The following LRRC4C variants were observed in gnomAD, a reference collection of about 807,000 sequenced individuals.
LRRC4C encodes the protein leucine-rich repeat-containing protein 4C.
In LRRC4C, 5 loss-of-function variants were observed where a neutral mutation model predicts 33.6. The observed-to-expected ratio is 0.15, with a 90% CI of 0.08 to 0.31. The LOEUF is 0.31. Among genes scored for constraint, LRRC4C ranks in the 10% least tolerant of loss-of-function variants. LRRC4C has a pLI of 1.00. For missense variants in LRRC4C, 560 were observed against 796.7 expected (o/e 0.70, Z 3.58); for synonymous variants, 329 against 302.0 (o/e 1.09, Z -0.93).
At chr11:40,310,616 G>A (rs1945257392) in intron 4 of LRRC4C, among the ~76,000 whole-genome samples, 1 of 152,140 alleles carries the variant, frequency 6.6e-6, no homozygotes. Context: ...TAATGAGCAT[G>A]TACTATGTGG....
intron 2 of LRRC4C, among the ~76,000 whole-genome samples, chr11:40,903,457 T>G (rs529169205): frequency 2.0e-4 from 31 of 152,332 alleles, no homozygotes; most frequent in African/African-American, 7.5e-4. Flanking sequence ...CTTTTGATTT[T>G]CAAGTCTTGT....
chr11:40,328,819 A>ACTCCATTTAGT (rs1315193398), intron 3 of LRRC4C, among the ~76,000 whole-genome samples: 1 of 152,252 alleles, frequency 6.6e-6, no homozygotes, highest in Non-Finnish European at 1.5e-5. Context: ...GTGCTCAGAG[A>ACTCCATTTAGT]CTAGTGGTTT....
intron 2 of LRRC4C, among the ~76,000 whole-genome samples, chr11:40,678,073 T>C (rs1944494584): frequency 1.3e-5 from 2 of 151,974 alleles, no homozygotes; most frequent in South Asian, 4.1e-4. Context: ...CAAACCACTA[T>C]CTTGGGGGTA....
rs1438000049 is a variant in LRRC4C at position 41,188,427 on chromosome 11, C to T, written c.-495-254704G>A. ...AAGGAAGACTGAATAGTGAGGTAGC[C>T]AGAATGGAGCCTTCGGAGTTAGACT... On this transcript the variant is annotated intron_variant, in intron 1 of 6. Transcript: ENST00000528697. 6.6e-5 allele frequency among the ~76,000 whole-genome samples: 10 copies of T among 151,970 alleles called. No homozygotes were observed. The South Asian group carries it at 1.9e-3, about 28-fold the overall frequency.
chr11:40,754,721 C>T (rs142491450), intron 2 of LRRC4C, among the ~76,000 whole-genome samples: 305 of 151,934 alleles, frequency 2.0e-3, no homozygotes, highest in Non-Finnish European at 3.6e-3. Context: ...TTTTTAATTT[C>T]CTCTTGTTTT....
chr11:40,234,284 G>A (rs1396636713), intron 5 of LRRC4C, among the ~76,000 whole-genome samples: 1 of 152,124 alleles, frequency 6.6e-6, no homozygotes, highest in Non-Finnish European at 1.5e-5. Context: ...AGTCTTGTAA[G>A]GTACGTATTA....
At chr11:40,306,829 C>A (rs1479626207) in intron 4 of LRRC4C, among the ~76,000 whole-genome samples, 2 of 152,138 alleles carry the variant, frequency 1.3e-5, no homozygotes, top group Non-Finnish European at 2.9e-5. Context: ...GCTTGTACTG[C>A]CATTCACTAT....
chr11:40,418,661 G>A (rs1207123657), intron 3 of LRRC4C, among the ~76,000 whole-genome samples: 2 of 152,122 alleles, frequency 1.3e-5, no homozygotes, highest in African/African-American at 4.8e-5. Context: ...GCATGCACAC[G>A]TATGTTCACT....
At chr11:41,452,308 T>C (rs1956052391) in intron 1 of LRRC4C, among the ~76,000 whole-genome samples, 1 of 152,178 alleles carries the variant, frequency 6.6e-6, no homozygotes, top group African/African-American at 2.4e-5. Context: ...CTCTCATCTT[T>C]AAGTAACTTA....
chr11:40,262,581 C>G (rs965708147), intron 4 of LRRC4C, among the ~76,000 whole-genome samples: 1 of 152,116 alleles, frequency 6.6e-6, no homozygotes, highest in Non-Finnish European at 1.5e-5. Context: ...TGGAACCAAC[C>G]AAAATGCCCA....
intron 3 of LRRC4C, among the ~76,000 whole-genome samples, chr11:40,581,308 A>G (rs1591170650): frequency 6.6e-6 from 1 of 152,172 alleles, no homozygotes; most frequent in Non-Finnish European, 1.5e-5. Flanking sequence ...TGATTAAAAC[A>G]CCTTTAGGGC....
intron 2 of LRRC4C, among the ~76,000 whole-genome samples, chr11:40,929,659 G>A (rs545211163): frequency 1.4e-3 from 211 of 151,966 alleles, no homozygotes; most frequent in African/African-American, 4.9e-3. Flanking sequence ...CTGTCGCCCA[G>A]GCTGGAGTGC....
chr11:40,152,589 G>A (rs980514788), intron 5 of LRRC4C, among the ~76,000 whole-genome samples: 12 of 152,110 alleles, frequency 7.9e-5, no homozygotes, highest in African/African-American at 2.7e-4. Flanking sequence ...AACAGACTCC[G>A]GGCTGTTGTG....
intron 1 of LRRC4C, among the ~76,000 whole-genome samples, chr11:40,947,463 CT>C (rs1555013021): frequency 6.6e-6 from 1 of 152,166 alleles, no homozygotes; most frequent in African/African-American, 2.4e-5. Context: ...TGAGGCAAGT[CT>C]TTTTTGTATA....
In LRRC4C at chr11:40,261,122, C is replaced by T. The variant is rs181379733; in HGVS notation, c.-175-19524G>A. 7.9e-4 allele frequency among the ~76,000 whole-genome samples: 120 copies of T among 152,216 alleles called. 1 individual carries two copies. The highest frequency in any genetic ancestry group is 6.4e-3 in the Admixed American group (98 of 15,274). On this transcript the variant is annotated intron_variant, in intron 4 of 6. Transcript: ENST00000528697. ...TATCAAACTCCTGACCTCAAGTGAT[C>T]TTCCCACAGCACTGGGATTATAGGC... is the stretch of plus-strand genomic sequence containing the variant.
At chr11:41,283,942 T>C (rs1227155377) in intron 1 of LRRC4C, among the ~76,000 whole-genome samples, 1 of 152,236 alleles carries the variant, frequency 6.6e-6, no homozygotes, top group Non-Finnish European at 1.5e-5. Context: ...AATCATTGCA[T>C]TGTAATTCAT....
chr11:40,354,148 C>T (rs1024930593), intron 3 of LRRC4C, among the ~76,000 whole-genome samples: 2 of 152,186 alleles, frequency 1.3e-5, no homozygotes, highest in African/African-American at 4.8e-5. Flanking sequence ...CAATAAGATC[C>T]ATGAGAATTC....
chr11:40,579,323 TA>T (rs112873928), intron 3 of LRRC4C, among the ~76,000 whole-genome samples: 18,013 of 143,532 alleles, frequency 0.13, 1,246 homozygotes, highest in Middle Eastern at 0.2. Flanking sequence ...GAGACTCTGT[TA>T]AAAAAAAAAA....
intron 3 of LRRC4C, among the ~76,000 whole-genome samples, chr11:40,574,372 G>T (rs12293830): frequency 6.6e-6 from 1 of 152,126 alleles, no homozygotes; most frequent in Non-Finnish European, 1.5e-5. Context: ...GGCTTAAGAG[G>T]TGCCCATGTA....
Sources: gnomAD v4.1 joint callset for allele counts (sites outside exome capture counted in the v4.1 genomes callset) on GRCh38, gnomAD v4.1.1 for gene constraint, MANE v1.5 for transcripts, NCBI Gene and HGNC (gene_info 2026-07-23, HGNC 2026-07-21) for gene names.